CLEC2B: variants seen among roughly 807,000 people sequenced by gnomAD.
CLEC2B encodes the protein C-type (calcium dependent, carbohydrate-recognition domain) lectin, superfamily member 2 (activation-induced).
A neutral mutation model predicts 16.2 loss-of-function variants in CLEC2B; 14 were observed. That is an observed-to-expected ratio of 0.86 (90% CI 0.57 to 1.35). CLEC2B has a LOEUF of 1.35. Ranked by LOEUF, CLEC2B falls within the 40% of genes most tolerant of loss-of-function variation. The probability of loss-of-function intolerance (pLI) is 0.00; values close to 1 mark genes in which losing one functional copy is unlikely to be tolerated. For synonymous variants in CLEC2B, 42 were observed against 55.8 expected (o/e 0.75, Z 1.10); for missense variants, 166 against 182.3 (o/e 0.91, Z 0.52).
At chr12:9,855,834 T>C (rs1867890924) in intron 3 of CLEC2B, among the ~76,000 whole-genome samples, 1 of 152,142 alleles carries the variant, frequency 6.6e-6, no homozygotes, top group African/African-American at 2.4e-5. Flanking sequence ...AGACAAACTT[T>C]ATCTCATATT....
At chr12:9,853,544 T>C in intron 4 of CLEC2B, 136 bp from the exon 5 acceptor site, 1 of 657,464 alleles carries the variant, frequency 1.5e-6, no homozygotes. Flanking sequence ...AGTGTTGAGA[T>C]ACCTATACCA....
chr12:9,861,783 ATAAAG>A (rs912021706), intron 2 of CLEC2B, among the ~76,000 whole-genome samples: 3 of 152,296 alleles, frequency 2.0e-5, no homozygotes, highest in African/African-American at 4.8e-5. Context: ...TTAAAAAGAA[ATAAAG>A]TAATCAAAAT....
At chr12:9,863,585 A>G (rs1375654949) in intron 1 of CLEC2B, among the ~76,000 whole-genome samples, 1 of 152,192 alleles carries the variant, frequency 6.6e-6, no homozygotes, top group Non-Finnish European at 1.5e-5. Flanking sequence ...ATATCAGAGG[A>G]ATTTAACAAA....
chr12:9,860,337 ATT>A (rs1867924170), intron 2 of CLEC2B, among the ~76,000 whole-genome samples: 1 of 151,760 alleles, frequency 6.6e-6, no homozygotes, highest in African/African-American at 2.4e-5. Context: ...TATATATTAA[ATT>A]TATATAGATA....
At chr12:9,864,022 T>C (rs1457322811) in intron 1 of CLEC2B, among the ~76,000 whole-genome samples, 3 of 150,370 alleles carry the variant, frequency 2.0e-5, no homozygotes, top group Non-Finnish European at 4.4e-5. Flanking sequence ...CTCTCAAAGG[T>C]CAAGGAAAAA....
chr12:9,866,101 C>G (rs1475316357), intron 1 of CLEC2B, among the ~76,000 whole-genome samples: 1 of 151,950 alleles, frequency 6.6e-6, no homozygotes, highest in Non-Finnish European at 1.5e-5. Flanking sequence ...TTTGTAAGAG[C>G]AAGAACAAAC....
Position 9,853,083 on chromosome 12 carries a change from A to AAAGAAAGAAAGAG in CLEC2B, c.*216_*217insCTCTTTCTTTCTT. ...AAAGAAAGAAAGAAAGAAAGAAAGA[A>AAAGAAAGAAAGAG]AGAGAGAGAGAGAAAGAAAGAAAGA... is the stretch of plus-strand genomic sequence containing the variant. On this transcript the variant is annotated 3_prime_UTR_variant, in exon 5 of 5. Transcript: ENST00000228438. 2 of 308,242 alleles carry AAAGAAAGAAAGAG rather than the reference A, an allele frequency of 6.5e-6. No individual in the cohort carries two copies. Among genetic ancestry groups the AAAGAAAGAAAGAG allele is most frequent in the South Asian group, 4.3e-5 (1 of 23,166 alleles). The allele number at this position is 308,242 out of a possible 1,614,324, so 19.1% of individuals were successfully genotyped here.
intron 3 of CLEC2B, 102 bp downstream of exon 3, chr12:9,857,372 G>T: frequency 4.8e-6 from 4 of 827,152 alleles, no homozygotes; most frequent in Non-Finnish European, 7.7e-6. Context: ...TTTCTGCATA[G>T]ATAGGCATGA....
chr12:9,868,817 T>C (rs1331155194), intron 1 of CLEC2B, among the ~76,000 whole-genome samples: 1 of 152,146 alleles, frequency 6.6e-6, no homozygotes, highest in East Asian at 1.9e-4. Flanking sequence ...CTTTACACCA[T>C]CCAATAAAGC....
chr12:9,858,130 G>T (rs959094082), intron 2 of CLEC2B, among the ~76,000 whole-genome samples: 1 of 152,016 alleles, frequency 6.6e-6, no homozygotes, highest in African/African-American at 2.4e-5. Flanking sequence ...CCAATGAATG[G>T]AACTAACATG....
intron 3 of CLEC2B, among the ~76,000 whole-genome samples, chr12:9,855,502 T>C: frequency 6.6e-6 from 1 of 151,988 alleles, no homozygotes; most frequent in East Asian, 1.9e-4. Flanking sequence ...ATCAATACAA[T>C]GTGAAATTGG....
At chr12:9,857,240 C>G (rs979323805) in intron 3 of CLEC2B, 2 of 441,302 alleles carry the variant, frequency 4.5e-6, no homozygotes, top group Admixed American at 3.9e-5. Flanking sequence ...TCTGTGTACA[C>G]TCTTTAAAAT....
chr12:9,868,508 T>C (rs1867988977), intron 1 of CLEC2B, among the ~76,000 whole-genome samples: 1 of 152,100 alleles, frequency 6.6e-6, no homozygotes, highest in Non-Finnish European at 1.5e-5. Flanking sequence ...CTCTAAATCA[T>C]AGATCGTTGT....
chr12:9,861,132 A>T (rs1867929624), intron 2 of CLEC2B, among the ~76,000 whole-genome samples: 1 of 152,038 alleles, frequency 6.6e-6, no homozygotes, highest in Non-Finnish European at 1.5e-5. Flanking sequence ...CATGACACAG[A>T]GGGTAAACTT....
rs777595921 is a variant in CLEC2B at position 9,857,632 on chromosome 12, G to C, written c.79C>G (p.Leu27Val). 3 of 1,606,382 alleles carry C rather than the reference G, an allele frequency of 1.9e-6. No homozygotes were observed. In the South Asian group the frequency reaches 3.3e-5, roughly 18 times the overall value. ...TTNIITLIVK[L>V]TRDSQSLCPY... ...CATAAACTCTGAGAATCTCGAGTTA[G>C]TTTAACTGGAAATGAGACAAATATA... is the stretch of plus-strand genomic sequence containing the variant. The change falls in exon 3 of 5, where the codon CTA (leucine) becomes GTA (valine). Residue 27 changes from leucine to valine, a missense_variant. Physicochemically the swap from Leu to Val is conservative, Grantham distance 32. Transcript: ENST00000228438.
At chr12:9,864,448 A>C (rs1251584681) in intron 1 of CLEC2B, among the ~76,000 whole-genome samples, 1 of 152,242 alleles carries the variant, frequency 6.6e-6, no homozygotes, top group Non-Finnish European at 1.5e-5. Flanking sequence ...TCATATCCCT[A>C]GTAATGAAGA....
chr12:9,858,498 C>A (rs1867910911), intron 2 of CLEC2B, among the ~76,000 whole-genome samples: 2 of 151,892 alleles, frequency 1.3e-5, no homozygotes, highest in African/African-American at 2.4e-5. Flanking sequence ...GGAAACAGAA[C>A]CTTGAGGATG....
intron 2 of CLEC2B, among the ~76,000 whole-genome samples, chr12:9,861,221 T>C (rs969849156): frequency 2.0e-5 from 3 of 151,958 alleles, no homozygotes; most frequent in African/African-American, 7.2e-5. Context: ...ACAACTCTTA[T>C]GAACCAAGCA....
At position 9,853,075 on chromosome 12, in the gene CLEC2B, A is replaced by AAGAAAGAAAGAAAGAAAG. The variant is rs746875604; in HGVS notation, c.*224_*225insCTTTCTTTCTTTCTTTCT. The stretch of plus-strand genomic sequence containing the variant: ...AGTTAAAAAAAGAAAGAAAGAAAGA[A>AAGAAAGAAAGAAAGAAAG]AGAAAGAAAGAGAGAGAGAGAAAGA... On this transcript the variant is annotated 3_prime_UTR_variant, in exon 5 of 5. Coordinates refer to ENST00000228438, the MANE Select transcript of CLEC2B (RefSeq NM_005127.3). 7 of 397,602 alleles carry AAGAAAGAAAGAAAGAAAG rather than the reference A, an allele frequency of 1.8e-5. 1 individual carries two copies. Among genetic ancestry groups the AAGAAAGAAAGAAAGAAAG allele is most frequent in the Non-Finnish European group, 2.3e-5 (5 of 219,440 alleles). 24.6% of individuals were successfully genotyped at this position (397,602 alleles called of 1,614,324 possible).
Sources: gnomAD v4.1 joint callset for allele counts (sites outside exome capture counted in the v4.1 genomes callset) on GRCh38, gnomAD v4.1.1 for gene constraint, MANE v1.5 for transcripts, NCBI Gene and HGNC (gene_info 2026-07-23, HGNC 2026-07-21) for gene names.